LRP1: variants seen among roughly 807,000 people sequenced by gnomAD.
LRP1 encodes the protein prolow-density lipoprotein receptor-related protein 1.
Under a neutral mutation model 541.5 loss-of-function variants are expected in LRP1, and 51 were observed. The ratio of observed to expected loss-of-function variants is 0.09; its 90% CI spans 0.08 to 0.12. LRP1 has a LOEUF of 0.12. Ranked by LOEUF, LRP1 falls within the 10% of genes least tolerant of loss-of-function variation. The pLI, the probability that LRP1 is intolerant of heterozygous loss-of-function variation, is 1.00. For missense variants in LRP1, 3,878 were observed against 6,376.2 expected (o/e 0.61, Z 13.34); for synonymous variants, 2,219 against 2,470.8 (o/e 0.90, Z 3.02).
At position 57,156,339 on chromosome 12, in the gene LRP1, GACCTTGGGATCACAGC is replaced by G. The variant is rs2035619719; in HGVS notation, c.1417+57_1417+72del. The G allele has an allele frequency of 1.9e-6, 3 of 1,554,418 alleles. No homozygotes were observed. The highest frequency in any genetic ancestry group is 2.7e-5 in the African/African-American group (2 of 73,516). On this transcript the variant is annotated intron_variant, in intron 9 of 88. Transcript: ENST00000243077. The surrounding 1 kb of genome is among the most constrained non-coding windows in gnomAD (Gnocchi z 5.2). ...TGGCTTTACCCCATGATGGCTCTGG[GACCTTGGGATCACAGC>G]CCCTCTCTGGGCCCTCCTGTGGGGA...
chr12:57,140,199 C>T (rs1448187516), intron 2 of LRP1, among the ~76,000 whole-genome samples: 8 of 152,158 alleles, frequency 5.3e-5, no homozygotes, highest in Non-Finnish European at 1.2e-4. Context: ...CACAGCTTCC[C>T]AGAGTTCTGG....
chr12:57,136,271 T>G (rs1158230730), intron 1 of LRP1, among the ~76,000 whole-genome samples: 1 of 152,022 alleles, frequency 6.6e-6, no homozygotes, highest in Non-Finnish European at 1.5e-5. Flanking sequence ...AGGCCATCCT[T>G]GATGTGTTTC....
At chr12:57,176,283 G>A (rs759712771) in intron 24 of LRP1, among the ~76,000 whole-genome samples, 177 bp downstream of exon 24, 4 of 152,236 alleles carry the variant, frequency 2.6e-5, no homozygotes, top group East Asian at 1.9e-4. Context: ...CGTAATTATC[G>A]TCAGCAGAAC....
In LRP1 at chr12:57,177,813, G is replaced by T. The variant is rs2036079279; in HGVS notation, c.4361+222G>T. On this transcript the variant is annotated intron_variant, in intron 26 of 88. Coordinates refer to ENST00000243077, the MANE Select transcript of LRP1 (RefSeq NM_002332.3). This position sits in a 1 kb window ranked among gnomAD's most constrained non-coding sequence, Gnocchi z 6.8. ...GGCGGAAGCAGGGCCATCAGCTGTGGTTATTCACACTGTACCATCCTCTCC... is the reference window on the plus strand; with the variant it reads ...GGCGGAAGCAGGGCCATCAGCTGTGTTTATTCACACTGTACCATCCTCTCC... 1.3e-5 allele frequency among the ~76,000 whole-genome samples: 2 copies of T among 152,134 alleles called. No individual in the cohort carries two copies. The highest frequency in any genetic ancestry group is 4.1e-4 in the South Asian group (2 of 4,830).
chr12:57,185,946 A>G lies in LRP1; in HGVS notation c.6841+38A>G, dbSNP rs2136712043. Reference sequence around the variant, plus strand: ...CCTAAGTCTTCCCAGGAAGTGGGACATGGGGCGGGGAGCAGCACAGACTCT... The same window carrying G: ...CCTAAGTCTTCCCAGGAAGTGGGACGTGGGGCGGGGAGCAGCACAGACTCT... On this transcript the variant is annotated intron_variant, in intron 41 of 88. Coordinates refer to ENST00000243077, the MANE Select transcript of LRP1 (RefSeq NM_002332.3). This position sits in a 1 kb window ranked among gnomAD's most constrained non-coding sequence, Gnocchi z 4.9. 6.3e-7 allele frequency: 1 copy of G among 1,586,542 alleles called. No individual in the cohort carries two copies. The highest frequency in any genetic ancestry group is 2.2e-5 in the East Asian group (1 of 44,652).
At chr12:57,176,536 C>T (rs1240616034) in intron 24 of LRP1, among the ~76,000 whole-genome samples, 3 of 152,162 alleles carry the variant, frequency 2.0e-5, no homozygotes, top group Non-Finnish European at 4.4e-5. Context: ...AGGCTGTTTT[C>T]AGTTGTGTGG....
chr12:57,204,963 G>A lies in LRP1; in HGVS notation c.11195-146G>A. The A allele has an allele frequency of 1.5e-6, 2 of 1,361,500 alleles. No homozygotes were observed. The highest frequency in any genetic ancestry group is 2.0e-6 in the Non-Finnish European group (2 of 999,944). 84.3% of individuals were successfully genotyped at this position (1,361,500 alleles called of 1,614,324 possible). ...GCTGCCTGATGCCTTAGGTCTTGGA[G>A]GTGGGGCTGGGAACCCAAATGTTTG... is the stretch of plus-strand genomic sequence containing the variant. On this transcript the variant is annotated intron_variant, in intron 72 of 88. Coordinates refer to ENST00000243077, the MANE Select transcript of LRP1 (RefSeq NM_002332.3). The surrounding 1 kb of genome is among the most constrained non-coding windows in gnomAD (Gnocchi z 5.3).
chr12:57,185,431 C>T lies in LRP1; in HGVS notation c.6464-100C>T, dbSNP rs575653982. ...GGAGGGTCATTCAAGCTGGGAATACCGAGGCAGAGGGCAGAGCTTTCGCCA... is the reference window on the plus strand; with the variant it reads ...GGAGGGTCATTCAAGCTGGGAATACTGAGGCAGAGGGCAGAGCTTTCGCCA... On this transcript the variant is annotated intron_variant, in intron 40 of 88. Transcript: ENST00000243077. The surrounding 1 kb of genome is among the most constrained non-coding windows in gnomAD (Gnocchi z 4.9). 26 of 1,433,976 alleles carry T rather than the reference C, an allele frequency of 1.8e-5. No individual in the cohort carries two copies. The highest frequency in any genetic ancestry group is 7.0e-5 in the South Asian group (5 of 71,862). The allele number at this position is 1,433,976 out of a possible 1,614,324, so 88.8% of individuals were successfully genotyped here.
chr12:57,183,922 C>A lies in LRP1; in HGVS notation c.5929+13C>A, dbSNP rs761826586. Reference sequence around the variant, plus strand: ...GACTGGATCGCAGGTGAGCAGTGGGCAGGTTTGTGGGGCTTGGGGTGTGGC... The same window carrying A: ...GACTGGATCGCAGGTGAGCAGTGGGAAGGTTTGTGGGGCTTGGGGTGTGGC... On this transcript the variant is annotated intron_variant, in intron 36 of 88. Coordinates refer to ENST00000243077, the MANE Select transcript of LRP1 (RefSeq NM_002332.3). This position sits in a 1 kb window ranked among gnomAD's most constrained non-coding sequence, Gnocchi z 6.1. 1.9e-6 allele frequency: 3 copies of A among 1,613,804 alleles called. No homozygotes were observed. The highest frequency in any genetic ancestry group is 4.5e-5 in the East Asian group (2 of 44,892).
At position 57,183,384 on chromosome 12, in the gene LRP1, G is replaced by C. The variant is rs568563891; in HGVS notation, c.5668G>C (p.Gly1890Arg). The change falls in exon 35 of 89, where the codon GGT (glycine) becomes CGT (arginine). Residue 1890 changes from glycine (G) to arginine (R), a missense_variant. Coordinates refer to ENST00000243077, the MANE Select transcript of LRP1 (RefSeq NM_002332.3). The surrounding 1 kb of genome is among the most constrained non-coding windows in gnomAD (Gnocchi z 6.1). Reference sequence around the variant, plus strand: ...TAAGTTTCCTTGTCTTTCAGGCGTAGGTTCCTTTCTCCTGTACTCTGTGCA... The same window carrying C: ...TAAGTTTCCTTGTCTTTCAGGCGTACGTTCCTTTCTCCTGTACTCTGTGCA... ...RSGQQACEGV[G>R]SFLLYSVHEG... The C allele has an allele frequency of 1.2e-6, 2 of 1,602,678 alleles. No individual in the cohort carries two copies. The highest frequency in any genetic ancestry group is 3.4e-5 in the Admixed American group (2 of 59,442).
chr12:57,208,547 C>T, intron 77 of LRP1, 164 bp from the exon 78 acceptor site: 1 of 596,648 alleles, frequency 1.7e-6, no homozygotes, highest in Non-Finnish European at 3.0e-6. Context: ...AGCCCCTCAA[C>T]CTGCTCAGAA....
chr12:57,144,935 A>C (rs2035370899), intron 4 of LRP1, 37 bp from the exon 5 acceptor site: 2 of 1,605,426 alleles, frequency 1.2e-6, no homozygotes, highest in Non-Finnish European at 1.7e-6. Context: ...CCCTTGTCAC[A>C]CTGGAAATGA....
intron 68 of LRP1, 199 bp from the exon 69 acceptor site, chr12:57,202,982 G>A (rs2036687831): frequency 5.2e-6 from 3 of 581,156 alleles, no homozygotes; most frequent in African/African-American, 1.9e-5. Flanking sequence ...GTCCCATGGG[G>A]TAAGTGCGAG....
intron 55 of LRP1, among the ~76,000 whole-genome samples, 184 bp downstream of exon 55, chr12:57,196,461 T>C (rs1402926364): frequency 6.6e-6 from 1 of 152,012 alleles, no homozygotes; most frequent in Non-Finnish European, 1.5e-5. Flanking sequence ...TGCTGACAGA[T>C]GAGATATGCA....
At chr12:57,196,896 G>C in intron 55 of LRP1, 86 bp from the exon 56 acceptor site, 2 of 1,207,950 alleles carry the variant, frequency 1.7e-6, no homozygotes, top group Non-Finnish European at 2.3e-6. Context: ...GCCGGGTAGA[G>C]GGAATTGGAG....
intron 1 of LRP1, among the ~76,000 whole-genome samples, chr12:57,138,117 A>C (rs972053045): frequency 1.3e-5 from 2 of 152,136 alleles, no homozygotes; most frequent in African/African-American, 4.8e-5. Flanking sequence ...ACCCCCCTTC[A>C]CCATCACTCT....
chr12:57,151,163 C>A (rs2035518633), intron 6 of LRP1, among the ~76,000 whole-genome samples: 1 of 152,232 alleles, frequency 6.6e-6, no homozygotes, highest in East Asian at 1.9e-4. Flanking sequence ...TTTGGGAAAG[C>A]AGCCACCATG....
rs2036457905 is a variant in LRP1 at position 57,193,394 on chromosome 12, A to T, written c.7684+90A>T. 1.6e-5 allele frequency: 25 copies of T among 1,553,894 alleles called. No individual in the cohort carries two copies. In the South Asian group the frequency reaches 2.4e-4, roughly 15 times the overall value. On this transcript the variant is annotated intron_variant, in intron 46 of 88. Transcript: ENST00000243077. ...CCCTGCAGGATGGAGCAGGATCAGG[A>T]CCCAGCTTCCTGACCATGAGTTTTG...
Position 57,154,325 on chromosome 12 carries a change from T to A in LRP1, c.959T>A (p.Leu320Gln). 1 of 1,614,128 alleles carries A rather than the reference T, an allele frequency of 6.2e-7. No individual in the cohort carries two copies. The change falls in exon 7 of 89, where the codon CTG becomes CAG. Residue 320 changes from leucine to glutamine, a missense_variant. Around this residue, in one of 13 missense-constraint regions of LRP1, gnomAD observed 496 missense variants for 861.0 expected, o/e 0.58. Transcript: ENST00000243077. This position sits in a 1 kb window ranked among gnomAD's most constrained non-coding sequence, Gnocchi z 4.6. ...GACACATGTGTCACATTGCTAGACC[T>A]GGAACTCTACAACCCCAAGGGCATT... The part of the protein sequence containing the change: ...NGDTCVTLLD[L>Q]ELYNPKGIAL...
Sources: gnomAD v4.1 joint callset for allele counts (sites outside exome capture counted in the v4.1 genomes callset) on GRCh38, gnomAD v4.1.1 for gene constraint, gnomAD v4.1.1 regional missense constraint, Gnocchi (gnomAD v3.1) non-coding constraint, MANE v1.5 for transcripts, NCBI Gene and HGNC (gene_info 2026-07-23, HGNC 2026-07-21) for gene names.